The following AP3B1 variants were observed in gnomAD, a reference collection of about 807,000 sequenced individuals.
AP3B1 encodes adaptor related protein complex 3 subunit beta 1.
In AP3B1, 61 loss-of-function variants were observed where a neutral mutation model predicts 132.5. The ratio of observed to expected loss-of-function variants is 0.46; its 90% confidence interval spans 0.37 to 0.57. The LOEUF (loss-of-function observed/expected upper bound fraction) is 0.57, where lower values mean the gene tolerates loss of function less well. Ranked by LOEUF, AP3B1 falls within the 20% of genes least tolerant of loss-of-function variation. The pLI is 0.00. For missense variants in AP3B1, 1,120 were observed against 1,289.4 expected (o/e 0.87, Z 2.01); for synonymous variants, 388 against 438.3 (o/e 0.89, Z 1.43).
rs992024603 is a variant in AP3B1 at position 78,179,587 on chromosome 5, T to C, written c.942+1920A>G. 3.3e-5 allele frequency among the ~76,000 whole-genome samples: 5 copies of C among 152,200 alleles called. No individual in the cohort carries two copies. In the South Asian group the frequency reaches 1.0e-3, roughly 31 times the overall value. Reference sequence around the variant, plus strand: ...ACCTTCTACAGTTACATCATGCCTGTTCATAATAAAGCGCATCCTATAAAC... The same window carrying C: ...ACCTTCTACAGTTACATCATGCCTGCTCATAATAAAGCGCATCCTATAAAC... On this transcript the variant is annotated intron_variant, in intron 8 of 26. Transcript: ENST00000255194.
At chr5:78,286,933 C>T (rs1430822659) in intron 1 of AP3B1, among the ~76,000 whole-genome samples, 1 of 152,160 alleles carries the variant, frequency 6.6e-6, no homozygotes, top group Non-Finnish European at 1.5e-5. Flanking sequence ...GATTATTCTA[C>T]TTTAAGCTCT....
At chr5:78,253,350 T>C (rs778018383) in intron 2 of AP3B1, among the ~76,000 whole-genome samples, 4 of 152,188 alleles carry the variant, frequency 2.6e-5, no homozygotes, top group East Asian at 1.9e-4. Context: ...CCAACCTCTA[T>C]GAGGCTGCAA....
chr5:78,051,118 T>C (rs1748562432), intron 22 of AP3B1, among the ~76,000 whole-genome samples: 1 of 152,152 alleles, frequency 6.6e-6, no homozygotes, highest in Non-Finnish European at 1.5e-5. Flanking sequence ...AAACCACACA[T>C]ATTTTATCAG....
intron 26 of AP3B1, 93 bp from the exon 27 acceptor site, chr5:78,003,148 G>T: frequency 1.4e-6 from 2 of 1,431,170 alleles, no homozygotes; most frequent in Non-Finnish European, 9.6e-7. Context: ...ACTCTTTTTT[G>T]TCAAATGAAA....
intron 22 of AP3B1, chr5:78,041,910 C>T: frequency 5.0e-6 from 1 of 198,858 alleles, no homozygotes; most frequent in Non-Finnish European, 1.0e-5. Flanking sequence ...GCAGACTCTC[C>T]TTGGTAACTG....
At chr5:78,035,692 C>T (rs1322329761) in intron 23 of AP3B1, among the ~76,000 whole-genome samples, 2 of 152,004 alleles carry the variant, frequency 1.3e-5, no homozygotes, top group Admixed American at 6.6e-5. Flanking sequence ...AATTAAAATG[C>T]TATTTGCTCA....
At chr5:78,178,400 G>T (rs1169722730) in intron 8 of AP3B1, among the ~76,000 whole-genome samples, 1 of 152,142 alleles carries the variant, frequency 6.6e-6, no homozygotes, top group Non-Finnish European at 1.5e-5. Context: ...AGGCAGGTGG[G>T]TCACTTGCAG....
chr5:78,042,036 G>A, intron 22 of AP3B1: 1 of 211,174 alleles, frequency 4.7e-6, no homozygotes, highest in Non-Finnish European at 1.0e-5. Context: ...CAAACACAGA[G>A]CTGGCCACCT....
At chr5:78,264,406 A>G (rs1485176274) in intron 2 of AP3B1, among the ~76,000 whole-genome samples, 1 of 152,208 alleles carries the variant, frequency 6.6e-6, no homozygotes, top group Non-Finnish European at 1.5e-5. Flanking sequence ...GTAACTCTTA[A>G]GAATCAACAG....
At chr5:78,251,046 A>C (rs1453451774) in intron 2 of AP3B1, among the ~76,000 whole-genome samples, 1 of 152,232 alleles carries the variant, frequency 6.6e-6, no homozygotes, top group Non-Finnish European at 1.5e-5. Flanking sequence ...ACTGACAGAA[A>C]AGGGAGAAAA....
intron 7 of AP3B1, among the ~76,000 whole-genome samples, chr5:78,215,769 A>T (rs1745933634): frequency 6.6e-6 from 1 of 152,224 alleles, no homozygotes; most frequent in South Asian, 2.1e-4. Flanking sequence ...ATGTCACTGT[A>T]AACACTGTGT....
intron 7 of AP3B1, among the ~76,000 whole-genome samples, chr5:78,183,656 G>A (rs1659650549): frequency 6.6e-6 from 1 of 151,776 alleles, no homozygotes; most frequent in African/African-American, 2.4e-5. Context: ...GATCACCTGA[G>A]GTCAGGAGTT....
intron 7 of AP3B1, among the ~76,000 whole-genome samples, chr5:78,210,439 A>T (rs932515324): frequency 5.3e-5 from 8 of 152,188 alleles, no homozygotes; most frequent in African/African-American, 1.9e-4. Context: ...AAAATACTTT[A>T]AACAAAATTC....
intron 26 of AP3B1, among the ~76,000 whole-genome samples, chr5:78,014,027 G>A (rs1746743634): frequency 6.6e-6 from 1 of 152,156 alleles, no homozygotes; most frequent in South Asian, 2.1e-4. Context: ...GCCGGGCGTG[G>A]TGCCGGGTGC....
At chr5:78,156,998 C>G (rs1399262214) in intron 13 of AP3B1, among the ~76,000 whole-genome samples, 1 of 152,062 alleles carries the variant, frequency 6.6e-6, no homozygotes, top group East Asian at 1.9e-4. Context: ...CCTAAGAGGC[C>G]CACCTGTAGT....
chr5:78,162,146 G>C (rs1215350322), intron 13 of AP3B1, among the ~76,000 whole-genome samples: 2 of 151,866 alleles, frequency 1.3e-5, no homozygotes, highest in Non-Finnish European at 2.9e-5. Context: ...GGTAAAGTTG[G>C]CTTTTCTTTC....
chr5:78,100,939 A>C lies in AP3B1; in HGVS notation c.2470+14T>G, dbSNP rs745949614. 2.1e-5 allele frequency: 30 copies of C among 1,461,708 alleles called. No homozygotes were observed. The highest frequency in any genetic ancestry group is 2.6e-5 in the Non-Finnish European group (27 of 1,053,074). The allele number at this position is 1,461,708 out of a possible 1,614,324, so 90.5% of individuals were successfully genotyped here. A position where few individuals can be genotyped will look rare whatever the true frequency, so the allele number is the denominator to read the frequency against. ...ACTAAACACAGAAGAAATATTTTAA[A>C]TTACAATACTTACAATCATCCAGAT... On this transcript the variant is annotated intron_variant, in intron 21 of 26. Transcript: ENST00000255194.
At chr5:78,069,854 T>C (rs950304196) in intron 22 of AP3B1, among the ~76,000 whole-genome samples, 1 of 152,120 alleles carries the variant, frequency 6.6e-6, no homozygotes, top group Admixed American at 6.5e-5. Flanking sequence ...CAAACTATAC[T>C]ACAAGGCTAC....
At chr5:78,067,198 T>C (rs943583521) in intron 22 of AP3B1, among the ~76,000 whole-genome samples, 1 of 152,122 alleles carries the variant, frequency 6.6e-6, no homozygotes. Flanking sequence ...GGTAAAAGGC[T>C]CAATTCAACA....
Sources: allele counts gnomAD v4.1 joint callset (sites outside exome capture counted in the v4.1 genomes callset), GRCh38; gene constraint gnomAD v4.1.1; transcripts MANE v1.5; gene names NCBI Gene and HGNC (gene_info 2026-07-23, HGNC 2026-07-21).